NAPG: variants seen among roughly 807,000 people sequenced by gnomAD.
The protein encoded by NAPG is gamma-soluble NSF attachment protein.
A neutral mutation model predicts 48.4 loss-of-function variants in NAPG; 25 were observed. The ratio of observed to expected loss-of-function variants is 0.52; its 90% CI spans 0.38 to 0.72. NAPG has a LOEUF of 0.72. Among genes scored for constraint, NAPG ranks in the 30% least tolerant of loss-of-function variants. The pLI is 0.00. For missense variants in NAPG, 359 were observed against 372.5 expected, an observed-to-expected ratio of 0.96 and a Z score of 0.30; for synonymous variants, 139 against 127.2, an observed-to-expected ratio of 1.09 and a Z score of -0.62.
In NAPG at chr18:10,539,616, A is replaced by G; in HGVS notation, c.259-146A>G. 1.5e-6 allele frequency: 1 copy of G among 657,402 alleles called. No individual in the cohort carries two copies. 40.7% of individuals were successfully genotyped at this position (657,402 alleles called of 1,614,324 possible). A position where few individuals can be genotyped will look rare whatever the true frequency, so the allele number is the denominator to read the frequency against. ...GATAGGTATAGCAAACCACCATGGG[A>G]CATGTATACCTATGTAACAAACCTG... On this transcript the variant is annotated intron_variant, in intron 5 of 11. Transcript: ENST00000322897. The surrounding 1 kb of genome is among the most constrained non-coding windows in gnomAD (Gnocchi z 4.7).
intron 8 of NAPG, among the ~76,000 whole-genome samples, chr18:10,541,712 C>T (rs919695565): frequency 2.6e-5 from 4 of 152,138 alleles, no homozygotes; most frequent in East Asian, 1.9e-4. Flanking sequence ...CTTTCTAGAG[C>T]GCTAAGCCCC....
intron 2 of NAPG, among the ~76,000 whole-genome samples, chr18:10,531,470 C>G (rs2031926877): frequency 6.6e-6 from 1 of 152,106 alleles, no homozygotes; most frequent in Admixed American, 6.5e-5. Flanking sequence ...ATAAATATAA[C>G]AAAATTTTGA....
chr18:10,544,344 C>T lies in NAPG; in HGVS notation c.507-1982C>T, dbSNP rs573242938. ...GCTAGGTAGCAGAGCTAGGGTCTCA[C>T]CAGGCCGAAATGAAGGTGTCGGAGG... On this transcript the variant is annotated intron_variant, in intron 8 of 11. Transcript: ENST00000322897. This position sits in a 1 kb window ranked among gnomAD's most constrained non-coding sequence, Gnocchi z 5.1. 1.3e-5 allele frequency among the ~76,000 whole-genome samples: 2 copies of T among 152,310 alleles called. No homozygotes were observed. The highest frequency in any genetic ancestry group is 2.9e-5 in the Non-Finnish European group (2 of 68,034).
At position 10,540,072 on chromosome 18, in the gene NAPG, T is replaced by C; in HGVS notation, c.435+18T>C. 6.5e-7 allele frequency: 1 copy of C among 1,531,176 alleles called. No individual in the cohort carries two copies. The highest frequency in any genetic ancestry group is 8.8e-7 in the Non-Finnish European group (1 of 1,133,790). 94.8% of individuals were successfully genotyped at this position (1,531,176 alleles called of 1,614,324 possible). ...TGTTTGAAGTAAGTTTGAATCTTAT[T>C]TTTTTCTTTAATTACTTAGAATGTT... is the stretch of plus-strand genomic sequence containing the variant. On this transcript the variant is annotated intron_variant, in intron 7 of 11. Coordinates refer to ENST00000322897, the MANE Select transcript of NAPG (RefSeq NM_003826.3).
rs1258317285 is a variant in NAPG, at chr18:10,534,728, A to G, written c.258+232A>G. On this transcript the variant is annotated intron_variant, in intron 5 of 11. Transcript: ENST00000322897. This position sits in a 1 kb window ranked among gnomAD's most constrained non-coding sequence, Gnocchi z 5.0. ...AAATGTATTGGAGTGAACTGGGAAC[A>G]CTAATGTTCTAAGCTCTATAACCAG... Among the ~76,000 whole-genome samples, 2 of 152,348 alleles carry G rather than the reference A, an allele frequency of 1.3e-5. No individual in the cohort carries two copies. The highest frequency in any genetic ancestry group is 2.4e-5 in the African/African-American group (1 of 41,586).
rs1270197355 is a variant in NAPG, at chr18:10,538,873, A to G, written c.259-889A>G. Among the ~76,000 whole-genome samples, 3 of 152,156 alleles carry G rather than the reference A, an allele frequency of 2.0e-5. No individual in the cohort carries two copies. The East Asian group carries it at 5.8e-4, about 29-fold the overall frequency. On this transcript the variant is annotated intron_variant, in intron 5 of 11. Coordinates refer to ENST00000322897, the MANE Select transcript of NAPG (RefSeq NM_003826.3). ...TGTAAATTTAAGTTCCTTGTAGAAA[A>G]AGAAGACATACAGCCAAGAAACATG...
chr18:10,526,246 GAGGGCTC>G (rs1304182177), intron 1 of NAPG, 88 bp downstream of exon 1: 1 of 489,326 alleles, frequency 2.0e-6, no homozygotes, highest in Non-Finnish European at 4.2e-6. Context: ...GGGCGGGAGG[GAGGGCTC>G]AGGGCTGAGG....
chr18:10,549,812 G>A (rs568276576), intron 11 of NAPG, among the ~76,000 whole-genome samples: 10 of 151,758 alleles, frequency 6.6e-5, no homozygotes, highest in African/African-American at 1.7e-4. Context: ...TCTAAATAAC[G>A]TCTTACATAG....
intron 5 of NAPG, among the ~76,000 whole-genome samples, chr18:10,536,616 C>G (rs1297492663): frequency 6.6e-6 from 1 of 152,166 alleles, no homozygotes; most frequent in Non-Finnish European, 1.5e-5. Flanking sequence ...GGTTGGACCT[C>G]TTACTCACAG....
At chr18:10,547,333 G>A (rs1432128888) in intron 9 of NAPG, among the ~76,000 whole-genome samples, 3 of 152,164 alleles carry the variant, frequency 2.0e-5, no homozygotes, top group Non-Finnish European at 4.4e-5. Flanking sequence ...CAGAGGCTGT[G>A]CAGCATCACA....
In NAPG at chr18:10,530,731, G is replaced by A. The variant is rs764215118; in HGVS notation, c.57-39G>A. ...AAGCAGAGATCTGACTTATAAATGT[G>A]GTTGGTAACTCCTGTTAACTGTGTT... On this transcript the variant is annotated intron_variant, in intron 1 of 11. Coordinates refer to ENST00000322897, the MANE Select transcript of NAPG (RefSeq NM_003826.3). 4 of 1,341,562 alleles carry A rather than the reference G, an allele frequency of 3.0e-6. No homozygotes were observed. The Admixed American group carries it at 1.1e-4, about 35-fold the overall frequency. The allele number at this position is 1,341,562 out of a possible 1,614,324, so 83.1% of individuals were successfully genotyped here.
chr18:10,545,861 A>G (rs934013638), intron 8 of NAPG, among the ~76,000 whole-genome samples: 30 of 152,208 alleles, frequency 2.0e-4, no homozygotes, highest in Admixed American at 1.8e-3. Context: ...CCTTTTAGGC[A>G]CCTCAGAGCT....
chr18:10,530,337 C>G (rs142541918), intron 1 of NAPG, among the ~76,000 whole-genome samples: 1 of 151,936 alleles, frequency 6.6e-6, no homozygotes, highest in African/African-American at 2.4e-5. Flanking sequence ...TATGATGCCT[C>G]CATTTATGTC....
chr18:10,532,958 A>G lies in NAPG; in HGVS notation c.209+163A>G, dbSNP rs2031959898. On this transcript the variant is annotated intron_variant, in intron 3 of 11. Transcript: ENST00000322897. ...TTTTAAACTATGAAGGAGCGTTTAT[A>G]ATGAAGTTTGATTATAAGGTCCACA... The G allele has an allele frequency of 4.8e-6, 3 of 625,498 alleles. 1 individual carries two copies. 38.7% of individuals were successfully genotyped at this position (625,498 alleles called of 1,614,324 possible).
In NAPG at chr18:10,526,281, G is replaced by A. The variant is rs999114922; in HGVS notation, c.56+123G>A. On this transcript the variant is annotated intron_variant, in intron 1 of 11. Coordinates refer to ENST00000322897, the MANE Select transcript of NAPG (RefSeq NM_003826.3). ...GGCTGAGGGGCCTCGGCGCGCTGGTGCCCGCAGGGCTGCCGGGGCTCGGTG... is the reference window on the plus strand; with the variant it reads ...GGCTGAGGGGCCTCGGCGCGCTGGTACCCGCAGGGCTGCCGGGGCTCGGTG... 2.5e-5 allele frequency: 18 copies of A among 717,452 alleles called. No individual in the cohort carries two copies. In the South Asian group the frequency reaches 2.5e-4, roughly 10 times the overall value. 44.4% of individuals were successfully genotyped at this position (717,452 alleles called of 1,614,324 possible). A position where few individuals can be genotyped will look rare whatever the true frequency, so the allele number is the denominator to read the frequency against.
chr18:10,547,267 G>T (rs1249263061), intron 9 of NAPG, among the ~76,000 whole-genome samples: 2 of 152,224 alleles, frequency 1.3e-5, no homozygotes, highest in Non-Finnish European at 1.5e-5. Context: ...CATGTAGTCT[G>T]AACCTAACTG....
intron 1 of NAPG, among the ~76,000 whole-genome samples, chr18:10,527,124 C>CT (rs1218930261): frequency 1.4e-5 from 2 of 145,550 alleles, no homozygotes. Flanking sequence ...GAAGGCAGAG[C>CT]TTGCAGTGAG....
rs941337102 is a variant in NAPG at position 10,539,836 on chromosome 18, A to G, written c.333A>G (p.Pro111=). Residue 111 remains proline (P), a synonymous_variant, in exon 6 of 12, where the codon CCA becomes CCG. Transcript: ENST00000322897. This position sits in a 1 kb window ranked among gnomAD's most constrained non-coding sequence, Gnocchi z 4.7. ...ASMMYLENGT[P]DTAAMALERA... ...TGATGTATCTAGAAAACGGCACCCC[A>G]GACACAGCAGCCATGGCTTTGGAGC... is the stretch of plus-strand genomic sequence containing the variant. 6.2e-7 allele frequency: 1 copy of G among 1,614,030 alleles called. No homozygotes were observed. Among genetic ancestry groups the G allele is most frequent in the African/African-American group, 1.3e-5 (1 of 75,066 alleles).
Position 10,551,894 on chromosome 18 carries a change from C to T in NAPG, c.*1674C>T, listed in dbSNP as rs375917566. 3.3e-5 allele frequency: 5 copies of T among 152,164 alleles called. No homozygotes were observed. Among genetic ancestry groups the T allele is most frequent in the Admixed American group, 2.6e-4 (4 of 15,292 alleles). The allele number at this position is 152,164 out of a possible 1,614,324, so 9.4% of individuals were successfully genotyped here. ...ATTGGCATAGTTCTTCAGGTAGCAC[C>T]TCATTTTTATTAATGATATTGGGAT... On this transcript the variant is annotated 3_prime_UTR_variant, in exon 12 of 12. Coordinates refer to ENST00000322897, the MANE Select transcript of NAPG (RefSeq NM_003826.3).
Sources: allele counts gnomAD v4.1 joint callset (sites outside exome capture counted in the v4.1 genomes callset), GRCh38; gene constraint gnomAD v4.1.1; non-coding constraint Gnocchi (gnomAD v3.1); transcripts MANE v1.5; gene names NCBI Gene and HGNC (gene_info 2026-07-23, HGNC 2026-07-21).